ZNF106: variants seen among roughly 807,000 people sequenced by gnomAD.
ZNF106 encodes SH3-domain binding protein 3.
Under a neutral mutation model 195.1 loss-of-function variants are expected in ZNF106, and 67 were observed. That is an observed-to-expected ratio of 0.34 (90% confidence interval 0.28 to 0.42). ZNF106 has a LOEUF of 0.42. ZNF106 is among the 10% of genes least tolerant of loss of function. The probability of loss-of-function intolerance (pLI) is 1.00; values close to 1 mark genes in which losing one functional copy is unlikely to be tolerated. For synonymous variants in ZNF106, 784 were observed against 818.6 expected (o/e 0.96, Z 0.72); for missense variants, 2,118 against 2,304.5 (o/e 0.92, Z 1.66).
chr15:42,445,052 A>G, intron 7 of ZNF106, 71 bp from the exon 8 acceptor site: 1 of 1,542,472 alleles, frequency 6.5e-7, no homozygotes, highest in Non-Finnish European at 8.8e-7. Flanking sequence ...TCAGAAGACT[A>G]AACTATACCC....
At chr15:42,485,960 C>CTTT (rs34242148) in intron 1 of ZNF106, among the ~76,000 whole-genome samples, 156 of 137,422 alleles carry the variant, frequency 1.1e-3, no homozygotes, top group African/African-American at 4.0e-3. Context: ...ATTACTCTTT[C>CTTT]TTTTTTTTTT....
rs757891295 is a variant in ZNF106, at chr15:42,451,863, T to C, written c.409A>G (p.Arg137Gly). 1.9e-6 allele frequency: 3 copies of C among 1,614,234 alleles called. No individual in the cohort carries two copies. The highest frequency in any genetic ancestry group is 1.7e-5 in the Admixed American group (1 of 60,034). The change falls in exon 5 of 22, where the codon AGA becomes GGA. Residue 137 changes from arginine (R) to glycine (G), a missense_variant. Arg to Gly is a moderately radical substitution (Grantham distance 125). Transcript: ENST00000564754. ...CATGCAGGCTGACTGTAACTCTCTC[T>C]GTCTTGGTAAGGAATTCGGTCTTCT... is the stretch of plus-strand genomic sequence containing the variant. Reference protein sequence around the residue: ...RREDRIPYQDRESYSQPAWHH... With the variant: ...RREDRIPYQDGESYSQPAWHH...
rs930878953 is a variant in ZNF106, at chr15:42,415,957, C to T, written c.*1347G>A. ...ATGTTGGCCAGGCTGGTCTGCAACT[C>T]CTAGCCTCAGGTGATCTGCCTGCCT... On this transcript the variant is annotated 3_prime_UTR_variant, in exon 22 of 22. Coordinates refer to ENST00000564754, the MANE Select transcript of ZNF106 (RefSeq NM_001366845.3). 1 of 152,806 alleles carries T rather than the reference C, an allele frequency of 6.5e-6. No individual in the cohort carries two copies. Among genetic ancestry groups the T allele is most frequent in the Non-Finnish European group, 1.5e-5 (1 of 68,542 alleles). The allele number at this position is 152,806 out of a possible 1,614,324, so 9.5% of individuals were successfully genotyped here.
At chr15:42,484,276 G>A (rs7175059) in intron 1 of ZNF106, among the ~76,000 whole-genome samples, 7,384 of 152,096 alleles carry the variant, frequency 0.049, 590 homozygotes, top group African/African-American at 0.17. Flanking sequence ...ACTTACACAT[G>A]TAAAACTTCA....
intron 2 of ZNF106, among the ~76,000 whole-genome samples, chr15:42,468,401 T>C (rs1270865392): frequency 2.6e-5 from 4 of 151,706 alleles, no homozygotes; most frequent in Admixed American, 2.0e-4. Context: ...TAAATGGCAA[T>C]TTTACTGAAG....
chr15:42,433,457 C>A (rs1484710350), intron 14 of ZNF106, among the ~76,000 whole-genome samples: 1 of 149,488 alleles, frequency 6.7e-6, no homozygotes, highest in Non-Finnish European at 1.5e-5. Flanking sequence ...TTTCTAAGCT[C>A]AATTTCTTTG....
At chr15:42,422,453 G>T (rs1308878723) in intron 18 of ZNF106, 48 bp downstream of exon 18, 1 of 1,593,394 alleles carries the variant, frequency 6.3e-7, no homozygotes, top group East Asian at 2.2e-5. Flanking sequence ...AACCCAAATA[G>T]ACAATCTCCC....
In ZNF106 at chr15:42,465,091, G is replaced by C. The variant is rs762953633; in HGVS notation, c.116+962C>G. On this transcript the variant is annotated intron_variant, in intron 3 of 21. Coordinates refer to ENST00000564754, the MANE Select transcript of ZNF106 (RefSeq NM_001366845.3). ...AGCGTGAGAATAGACTAATACAATG[G>C]GGTTTCCCCATATTGTCCAGGTTGG... Among the ~76,000 whole-genome samples, 22 of 152,270 alleles carry C rather than the reference G, an allele frequency of 1.4e-4. No individual in the cohort carries two copies. In the Middle Eastern group the frequency reaches 0.01, roughly 71 times the overall value.
chr15:42,487,293 G>A (rs553884108), intron 1 of ZNF106, among the ~76,000 whole-genome samples: 1 of 151,978 alleles, frequency 6.6e-6, no homozygotes, highest in Non-Finnish European at 1.5e-5. Flanking sequence ...ACCATTCTGG[G>A]TGACACAGTG....
intron 20 of ZNF106, among the ~76,000 whole-genome samples, chr15:42,419,886 G>C (rs2054595797): frequency 1.3e-5 from 2 of 152,088 alleles, no homozygotes; most frequent in South Asian, 2.1e-4. Flanking sequence ...GGAGTCGGAG[G>C]TTGCAGTGAG....
At chr15:42,431,877 G>C (rs1303021938) in intron 14 of ZNF106, among the ~76,000 whole-genome samples, 1 of 151,898 alleles carries the variant, frequency 6.6e-6, no homozygotes, top group Non-Finnish European at 1.5e-5. Context: ...GCCTCCCAAA[G>C]TGCTGGGATT....
chr15:42,490,408 G>A (rs1242211499), intron 1 of ZNF106: 1 of 152,108 alleles, frequency 6.6e-6, no homozygotes, highest in African/African-American at 2.4e-5. Context: ...TACTCTCAAA[G>A]ATGATTACAC....
intron 14 of ZNF106, among the ~76,000 whole-genome samples, chr15:42,431,819 G>A (rs1431177134): frequency 2.0e-5 from 3 of 151,864 alleles, no homozygotes; most frequent in African/African-American, 7.3e-5. Context: ...TCGCCATGTT[G>A]GCTAGGCTGG....
chr15:42,476,331 G>A (rs1251939816), intron 1 of ZNF106, among the ~76,000 whole-genome samples: 1 of 152,122 alleles, frequency 6.6e-6, no homozygotes, highest in Non-Finnish European at 1.5e-5. Flanking sequence ...TTCTAGATGG[G>A]AACCACTGCT....
chr15:42,475,330 T>C (rs912657318), intron 1 of ZNF106, among the ~76,000 whole-genome samples: 1 of 152,074 alleles, frequency 6.6e-6, no homozygotes, highest in Admixed American at 6.5e-5. Flanking sequence ...TAATCCCAGC[T>C]ACTCGGGAGG....
intron 10 of ZNF106, among the ~76,000 whole-genome samples, chr15:42,440,998 A>AAATATAT (rs1567009198): frequency 4.2e-5 from 1 of 23,580 alleles, no homozygotes. Flanking sequence ...AAAAAAAAAA[A>AAATATAT]ATATATATAT....
chr15:42,426,509 C>CCTG (rs1220542007), intron 15 of ZNF106, among the ~76,000 whole-genome samples: 1 of 151,582 alleles, frequency 6.6e-6, no homozygotes, highest in Non-Finnish European at 1.5e-5. Context: ...AAGCAATCCA[C>CCTG]CTGCCTCAGC....
Position 42,428,032 on chromosome 15 carries a change from T to A in ZNF106, c.4984A>T (p.Thr1662Ser). 2.5e-6 allele frequency: 4 copies of A among 1,613,978 alleles called. No individual in the cohort carries two copies. Among genetic ancestry groups the A allele is most frequent in the Non-Finnish European group, 3.4e-6 (4 of 1,179,878 alleles). ...CAACCACTAACCTTTATGTTGAAGG[T>A]GACCACAGTGCCATTTGCCAGTCCC... ...YAGLANGTVV[T>S]FNIKNNKRLE... Residue 1662 changes from threonine to serine, a missense_variant, in exon 15 of 22, where the codon ACC (threonine) becomes TCC (serine). Coordinates refer to ENST00000564754, the MANE Select transcript of ZNF106 (RefSeq NM_001366845.3).
chr15:42,456,993 G>A lies in ZNF106; in HGVS notation c.282C>T (p.Leu94=), dbSNP rs771876702. Residue 94 remains leucine (L), a synonymous_variant, in exon 4 of 22, where the codon CTC becomes CTT. Transcript: ENST00000564754. ...CTTTCCTTTGTTTTATTAACTGAAT[G>A]AGTTCCTTGTCAAAATAATCTTCTT... ...EEEEDYFDKE[L]IQLIKQRKEQ... 4 of 1,612,274 alleles carry A rather than the reference G, an allele frequency of 2.5e-6. No homozygotes were observed. The highest frequency in any genetic ancestry group is 2.5e-6 in the Non-Finnish European group (3 of 1,178,908).
Sources: gnomAD v4.1 joint callset for allele counts (sites outside exome capture counted in the v4.1 genomes callset) on GRCh38, gnomAD v4.1.1 for gene constraint, MANE v1.5 for transcripts, NCBI Gene and HGNC (gene_info 2026-07-23, HGNC 2026-07-21) for gene names.